Variants in SEC31B observed in about 807,000 individuals in gnomAD.
SEC31B encodes protein transport protein Sec31B.
SEC31B carries 113 observed loss-of-function variants against 135.0 expected under a neutral mutation model. The ratio of observed to expected loss-of-function variants is 0.84; its 90% confidence interval spans 0.72 to 0.98. SEC31B has a LOEUF of 0.98. Among genes scored for constraint, SEC31B ranks in the 50% least tolerant of loss-of-function variants. The pLI is 0.00. For missense variants in SEC31B, 1,296 were observed against 1,421.1 expected (o/e 0.91, Z 1.42); for synonymous variants, 508 against 549.4 (o/e 0.92, Z 1.05).
chr10:100,487,813 C>G lies in SEC31B; in HGVS notation c.3361-18G>C, dbSNP rs762046188. 1 of 1,613,384 alleles carries G rather than the reference C, an allele frequency of 6.2e-7. No individual in the cohort carries two copies. Among genetic ancestry groups the G allele is most frequent in the Non-Finnish European group, 8.5e-7 (1 of 1,179,866 alleles). ...GGTGAGAGCTGTGGAGGGAATGACC[C>G]TTAGGTTAGTGAGCCCAACCCAGCT... On this transcript the variant is annotated intron_variant, in intron 25 of 25. Coordinates refer to ENST00000370345, the MANE Select transcript of SEC31B (RefSeq NM_015490.4).
chr10:100,488,617 C>G (rs189173557), intron 24 of SEC31B, among the ~76,000 whole-genome samples: 71 of 152,250 alleles, frequency 4.7e-4, no homozygotes, highest in South Asian at 8.3e-4. Context: ...CACCCTCCTT[C>G]CAGTACCCCT....
At position 100,508,599 on chromosome 10, in the gene SEC31B, C is replaced by G. The variant is rs146685663; in HGVS notation, c.495+408G>C. On this transcript the variant is annotated intron_variant, in intron 5 of 25. Transcript: ENST00000370345. ...ATGGCAGAGCCACATACAGGGAGAA[C>G]AAAGCTGACCCCCCCCTCCATAAAA... 2.4e-4 allele frequency: 104 copies of G among 434,806 alleles called. No individual in the cohort carries two copies. The East Asian group carries it at 6.2e-3, about 26-fold the overall frequency. The allele number at this position is 434,806 out of a possible 1,614,324, so 26.9% of individuals were successfully genotyped here.
chr10:100,489,413 G>C lies in SEC31B; in HGVS notation c.3025-15C>G. ...GTCTCTGGCAGCTAAAGAGACAGAAGGAAAGACATGAGTCTAACCTGAGAG... is the reference window on the plus strand; with the variant it reads ...GTCTCTGGCAGCTAAAGAGACAGAACGAAAGACATGAGTCTAACCTGAGAG... On this transcript the variant is annotated splice_polypyrimidine_tract_variant and intron_variant, in intron 22 of 25. Transcript: ENST00000370345. 6.2e-7 allele frequency: 1 copy of C among 1,612,938 alleles called. No individual in the cohort carries two copies.
At chr10:100,505,239 C>T in intron 10 of SEC31B, 122 bp downstream of exon 10, 1 of 1,230,668 alleles carries the variant, frequency 8.1e-7, no homozygotes, top group South Asian at 1.4e-5. Flanking sequence ...GAGACAGAGG[C>T]AGTGGGAATA....
At chr10:100,499,406 A>G (rs567804848) in intron 12 of SEC31B, 118 bp downstream of exon 12, 25 of 1,104,098 alleles carry the variant, frequency 2.3e-5, no homozygotes, top group Middle Eastern at 2.0e-4. Context: ...TCCAGGATGT[A>G]AAATGCTCAC....
intron 7 of SEC31B, among the ~76,000 whole-genome samples, 192 bp downstream of exon 7, chr10:100,507,233 C>T (rs1016043929): frequency 6.6e-6 from 1 of 152,242 alleles, no homozygotes; most frequent in Non-Finnish European, 1.5e-5. Context: ...AGCCTCCTCT[C>T]CATAACCTCA....
Position 100,509,352 on chromosome 10 carries a change from C to T in SEC31B, c.363G>A (p.Thr121=), listed in dbSNP as rs200849107. The change falls in exon 4 of 26, where the codon ACG becomes ACA. Residue 121 remains threonine, a synonymous_variant. Coordinates refer to ENST00000370345, the MANE Select transcript of SEC31B (RefSeq NM_015490.4). ...EPVIAQKQKH[T]GAVRALDLNP... is the part of the protein sequence containing the mutation. ...TCAAGTCGAGGGCTCTGACAGCCCC[C>T]GTGTGCTTCTGTTTCTGAGCAATCA... 3.1e-6 allele frequency: 5 copies of T among 1,614,006 alleles called. No individual in the cohort carries two copies. Among genetic ancestry groups the T allele is most frequent in the East Asian group, 2.2e-5 (1 of 44,882 alleles).
At chr10:100,508,908 T>C (rs556347105) in intron 5 of SEC31B, 99 bp downstream of exon 5, 52 of 913,584 alleles carry the variant, frequency 5.7e-5, no homozygotes, top group South Asian at 2.1e-4. Flanking sequence ...GTGGTAAAGT[T>C]TGATATCTCT....
chr10:100,501,066 C>CA lies in SEC31B; in HGVS notation c.1410+1187dup, dbSNP rs35965884. Reference sequence around the variant, plus strand: ...TACTACAAAAAAAATACAAAAAATACAAAAAAAAAAAAACCCTGTCTCTAA... The same window carrying CA: ...TACTACAAAAAAAATACAAAAAATACAAAAAAAAAAAAAACCCTGTCTCTAA... On this transcript the variant is annotated intron_variant, in intron 11 of 25. Transcript: ENST00000370345. 9.9e-3 allele frequency among the ~76,000 whole-genome samples: 1,323 copies of CA among 133,052 alleles called. 16 individuals are homozygous for CA. The highest frequency in any genetic ancestry group is 0.038 in the Admixed American group (513 of 13,354). 87.3% of individuals were successfully genotyped at this position (133,052 alleles called of 152,430 possible). A position where few individuals can be genotyped will look rare whatever the true frequency, so the allele number is the denominator to read the frequency against.
Position 100,509,096 on chromosome 10 carries a change from G to A in SEC31B, c.406C>T (p.Leu136Phe). 6.2e-7 allele frequency: 1 copy of A among 1,613,914 alleles called. No homozygotes were observed. Among genetic ancestry groups the A allele is most frequent in the South Asian group, 1.1e-5 (1 of 91,082 alleles). ...GAATCGCTGGCCCCTGAAGCCAGGA[G>A]GTTGCCCTGTATGAATAAAAAGTGT... is the stretch of plus-strand genomic sequence containing the variant. ...ALDLNPFQGN[L>F]LASGASDSEI... Residue 136 changes from leucine to phenylalanine, a missense_variant, in exon 5 of 26, where the codon CTC becomes TTC. Transcript: ENST00000370345.
At chr10:100,487,887 C>T (rs1851212975) in intron 25 of SEC31B, 92 bp from the exon 26 acceptor site, 4 of 1,548,226 alleles carry the variant, frequency 2.6e-6, no homozygotes, top group Non-Finnish European at 3.5e-6. Flanking sequence ...AGTTCTGGGG[C>T]CCAGTCCAGG....
rs1278006929 is a variant in SEC31B at position 100,486,693 on chromosome 10, A to C, written c.*923T>G. On this transcript the variant is annotated 3_prime_UTR_variant, in exon 26 of 26. Transcript: ENST00000370345. The stretch of plus-strand genomic sequence containing the variant: ...GCACCATTAAGTACATCACTGCATC[A>C]AAGACAGTGCCACAAATGCAAATCC... 1 of 152,262 alleles carries C rather than the reference A, an allele frequency of 6.6e-6. No homozygotes were observed. The highest frequency in any genetic ancestry group is 1.5e-5 in the Non-Finnish European group (1 of 68,072). 9.4% of individuals were successfully genotyped at this position (152,262 alleles called of 1,614,324 possible).
intron 11 of SEC31B, 148 bp downstream of exon 11, chr10:100,502,106 T>G: frequency 1.5e-6 from 1 of 653,860 alleles, no homozygotes; most frequent in Non-Finnish European, 2.7e-6. Flanking sequence ...GTCTAGATGG[T>G]GGGTATAGTG....
intron 3 of SEC31B, among the ~76,000 whole-genome samples, chr10:100,514,346 G>A (rs1851787608): frequency 6.6e-6 from 1 of 152,100 alleles, no homozygotes; most frequent in South Asian, 2.1e-4. Context: ...TAGAACTAGT[G>A]CCCCCTCACC....
Position 100,490,119 on chromosome 10 carries a change from A to C in SEC31B, c.2854T>G (p.Ser952Ala). ...CTTGCAGGAGGGGCTGGGGTGTGGG[A>C]GACCATGCGGCCGGGACCTAGTGGT... ...LRPLGPGRMV[S>A]HTPAPPASFP... The change falls in exon 21 of 26, where the codon TCC (serine) becomes GCC (alanine). Residue 952 changes from serine to alanine, a missense_variant. Coordinates refer to ENST00000370345, the MANE Select transcript of SEC31B (RefSeq NM_015490.4). 1 of 1,589,090 alleles carries C rather than the reference A, an allele frequency of 6.3e-7. No homozygotes were observed. The highest frequency in any genetic ancestry group is 8.6e-7 in the Non-Finnish European group (1 of 1,168,708).
chr10:100,503,596 G>A (rs1176761098), intron 10 of SEC31B, among the ~76,000 whole-genome samples: 2 of 151,928 alleles, frequency 1.3e-5, no homozygotes, highest in Non-Finnish European at 2.9e-5. Flanking sequence ...ACCACGCCCG[G>A]CTAATTTTGT....
At position 100,498,191 on chromosome 10, in the gene SEC31B, T is replaced by G; in HGVS notation, c.1701A>C (p.Leu567=). The part of the protein sequence containing the change: ...IPITKDIDGL[L]SQALLLGELG... ...GTTCCCCAAGCAGGAGAGCCTGGCT[T>G]AGGAGTCCATCAATATCTGCAGGCA... is the stretch of plus-strand genomic sequence containing the variant. The change falls in exon 15 of 26, where the codon CTA becomes CTC. Residue 567 remains leucine, a synonymous_variant. Transcript: ENST00000370345. 6.2e-7 allele frequency: 1 copy of G among 1,614,132 alleles called. No homozygotes were observed.
At chr10:100,492,786 G>A (rs1851325058) in intron 19 of SEC31B, among the ~76,000 whole-genome samples, 1 of 152,092 alleles carries the variant, frequency 6.6e-6, no homozygotes, top group Non-Finnish European at 1.5e-5. Flanking sequence ...TGGAAACCAA[G>A]AAATTTGATT....
intron 3 of SEC31B, among the ~76,000 whole-genome samples, chr10:100,514,814 A>G (rs1201485081): frequency 6.6e-6 from 1 of 152,002 alleles, no homozygotes; most frequent in East Asian, 1.9e-4. Flanking sequence ...ACACTTTATT[A>G]GTAGTATAAC....
Sources: allele counts gnomAD v4.1 joint callset (sites outside exome capture counted in the v4.1 genomes callset), GRCh38; gene constraint gnomAD v4.1.1; transcripts MANE v1.5; gene names NCBI Gene and HGNC (gene_info 2026-07-23, HGNC 2026-07-21).